Variants in SERPINB5 observed in about 807,000 individuals in gnomAD.
The protein encoded by SERPINB5 is serpin B5.
A neutral mutation model predicts 32.2 loss-of-function variants in SERPINB5; 27 were observed. The ratio of observed to expected loss-of-function variants is 0.84; its 90% CI spans 0.62 to 1.16. SERPINB5 has a LOEUF of 1.16. Ranked by LOEUF, SERPINB5 falls within the 50% of genes most tolerant of loss-of-function variation. The pLI, the probability that SERPINB5 is intolerant of heterozygous loss-of-function variation, is 0.00. For missense variants in SERPINB5, 388 were observed against 436.3 expected (o/e 0.89, Z 0.99); for synonymous variants, 154 against 157.4 (o/e 0.98, Z 0.16).
Position 63,484,409 on chromosome 18 carries a change from TC to T in SERPINB5, c.-7-11del, listed in dbSNP as rs1568108250. The stretch of plus-strand genomic sequence containing the variant: ...GCTTTAGAAACTAACTGCTCCCTTG[TC>T]CTTGCTTCCAGGCCCGCAATGGATG... On this transcript the variant is annotated splice_polypyrimidine_tract_variant and intron_variant, in intron 1 of 6. Transcript: ENST00000382771. 3 of 1,605,190 alleles carry T rather than the reference TC, an allele frequency of 1.9e-6. No homozygotes were observed. Among genetic ancestry groups the T allele is most frequent in the Non-Finnish European group, 2.6e-6 (3 of 1,176,464 alleles).
At chr18:63,491,131 G>C (rs553817837) in intron 4 of SERPINB5, among the ~76,000 whole-genome samples, 3 of 152,276 alleles carry the variant, frequency 2.0e-5, no homozygotes, top group Admixed American at 6.5e-5. Context: ...GACCAGGCAT[G>C]GTGGCTCATG....
intron 4 of SERPINB5, among the ~76,000 whole-genome samples, chr18:63,490,466 T>A (rs1429303428): frequency 6.6e-6 from 1 of 152,078 alleles, no homozygotes; most frequent in Non-Finnish European, 1.5e-5. Flanking sequence ...GTGGATATAT[T>A]TATAATTGCA....
chr18:63,493,163 T>TG, intron 5 of SERPINB5, 68 bp downstream of exon 5: 3 of 1,602,012 alleles, frequency 1.9e-6, no homozygotes, highest in Non-Finnish European at 2.6e-6. Flanking sequence ...AGGGACAGAG[T>TG]GGGGCATAAA....
At chr18:63,497,276 G>T (rs1469123541) in intron 5 of SERPINB5, 10 of 1,110,444 alleles carry the variant, frequency 9.0e-6, no homozygotes, top group Non-Finnish European at 1.4e-5. Flanking sequence ...TTGATCATTG[G>T]TTATTCCAGG....
chr18:63,489,345 A>C lies in SERPINB5; in HGVS notation c.307-2A>C, dbSNP rs765222428. 7.8e-6 allele frequency: 12 copies of C among 1,536,626 alleles called. No individual in the cohort carries two copies. Among genetic ancestry groups the C allele is most frequent in the Admixed American group, 1.8e-5 (1 of 57,076 alleles). On this transcript the variant is annotated splice_acceptor_variant, in intron 3 of 6. Coordinates refer to ENST00000382771, the MANE Select transcript of SERPINB5 (RefSeq NM_002639.5). LOFTEE classifies it high-confidence loss of function. ...TGATTTTATGAACTGCATGTTTTTCAGGAGTTCATCAGCTCTACGAAGAGA... is the reference window on the plus strand; with the variant it reads ...TGATTTTATGAACTGCATGTTTTTCCGGAGTTCATCAGCTCTACGAAGAGA...
chr18:63,490,307 TTC>T (rs1304508109), intron 4 of SERPINB5, among the ~76,000 whole-genome samples: 1 of 152,134 alleles, frequency 6.6e-6, no homozygotes, highest in African/African-American at 2.4e-5. Flanking sequence ...CCTAGGTTCT[TTC>T]TCCGGCTCAG....
chr18:63,486,213 G>A (rs1210471684), intron 2 of SERPINB5, among the ~76,000 whole-genome samples: 2 of 152,212 alleles, frequency 1.3e-5, no homozygotes, highest in African/African-American at 4.8e-5. Context: ...AGGAGGCTCT[G>A]AAGAGTTGGA....
chr18:63,494,689 C>T (rs1017301317), intron 5 of SERPINB5, among the ~76,000 whole-genome samples: 8 of 152,172 alleles, frequency 5.3e-5, no homozygotes, highest in East Asian at 1.9e-4. Context: ...CTGGGTTAGC[C>T]GGATGGCTTC....
chr18:63,497,430 G>T (rs559041621), intron 5 of SERPINB5: 2 of 855,412 alleles, frequency 2.3e-6, no homozygotes, highest in Admixed American at 3.5e-5. Context: ...GCCTGTCCCT[G>T]CTGCTGCGGC....
At chr18:63,484,885 C>T (rs547552815) in intron 2 of SERPINB5, among the ~76,000 whole-genome samples, 20 of 151,484 alleles carry the variant, frequency 1.3e-4, no homozygotes, top group East Asian at 7.8e-4. Flanking sequence ...GGATGACAGG[C>T]GCGTGCCACA....
intron 4 of SERPINB5, chr18:63,490,475 C>G (rs1909309409): frequency 6.6e-6 from 1 of 152,158 alleles, no homozygotes; most frequent in Admixed American, 6.5e-5. Context: ...TTTATAATTG[C>G]ATCTGGAGGG....
At chr18:63,485,130 C>CT (rs1214256421) in intron 2 of SERPINB5, among the ~76,000 whole-genome samples, 3 of 152,196 alleles carry the variant, frequency 2.0e-5, no homozygotes, top group Admixed American at 2.0e-4. Flanking sequence ...GTAATCACAG[C>CT]TTTTTCATTC....
Position 63,503,874 on chromosome 18 carries a change from C to T in SERPINB5, c.*152C>T. 1 of 682,260 alleles carries T rather than the reference C, an allele frequency of 1.5e-6. No individual in the cohort carries two copies. Among genetic ancestry groups the T allele is most frequent in the East Asian group, 2.7e-5 (1 of 37,612 alleles). 42.3% of individuals were successfully genotyped at this position (682,260 alleles called of 1,614,324 possible). A position where few individuals can be genotyped will look rare whatever the true frequency, so the allele number is the denominator to read the frequency against. On this transcript the variant is annotated 3_prime_UTR_variant, in exon 7 of 7. Transcript: ENST00000382771. Reference sequence around the variant, plus strand: ...GTACTTGTCATATGTAGCCTTCACACAGATAGACCTTTTTTTTTTTTCCAA... The same window carrying T: ...GTACTTGTCATATGTAGCCTTCACATAGATAGACCTTTTTTTTTTTTCCAA...
rs915677377 is a variant in SERPINB5 at position 63,503,605 on chromosome 18, A to G, written c.1011A>G (p.Pro337=). The G allele has an allele frequency of 1.9e-6, 3 of 1,614,254 alleles. No homozygotes were observed. The highest frequency in any genetic ancestry group is 1.7e-5 in the Admixed American group (1 of 60,036). ...ATGGTGGGGATTCCATAGAGGTGCCAGGAGCACGGATCCTGCAGCACAAGG... is the reference window on the plus strand; with the variant it reads ...ATGGTGGGGATTCCATAGAGGTGCCGGGAGCACGGATCCTGCAGCACAAGG... ...TEDGGDSIEV[P]GARILQHKDE... The change falls in exon 7 of 7, where the codon CCA becomes CCG. Residue 337 remains proline, a synonymous_variant. Transcript: ENST00000382771.
At chr18:63,497,828 A>C (rs1234323106) in intron 5 of SERPINB5, among the ~76,000 whole-genome samples, 5 of 152,090 alleles carry the variant, frequency 3.3e-5, no homozygotes, top group African/African-American at 1.2e-4. Context: ...ATTATTCTGA[A>C]TTTACAATTT....
In SERPINB5 at chr18:63,493,110, A is replaced by G. The variant is rs11875145; in HGVS notation, c.567+15A>G. 5.9e-5 allele frequency: 95 copies of G among 1,614,062 alleles called. No homozygotes were observed. In the African/African-American group the frequency reaches 1.1e-3, roughly 19 times the overall value. ...GAGTCAACAAGGTATGTGGGGCAGC[A>G]TGTAGCAGTAAAAGGAGCCCAATTA... On this transcript the variant is annotated intron_variant, in intron 5 of 6. Coordinates refer to ENST00000382771, the MANE Select transcript of SERPINB5 (RefSeq NM_002639.5).
At chr18:63,500,486 G>T (rs1909549175) in intron 6 of SERPINB5, among the ~76,000 whole-genome samples, 1 of 151,856 alleles carries the variant, frequency 6.6e-6, no homozygotes, top group Non-Finnish European at 1.5e-5. Context: ...TTATATATAA[G>T]TATTTTATTT....
rs572957658 is a variant in SERPINB5 at position 63,482,277 on chromosome 18, C to A, written c.-7-2145C>A. Among the ~76,000 whole-genome samples, 9 of 152,290 alleles carry A rather than the reference C, an allele frequency of 5.9e-5. No homozygotes were observed. In the East Asian group the frequency reaches 1.7e-3, roughly 29 times the overall value. ...AGGTGCAAATTGCAATCCTATTCATCATGCCTTTGACTCTTGACACACGTT... is the reference window on the plus strand; with the variant it reads ...AGGTGCAAATTGCAATCCTATTCATAATGCCTTTGACTCTTGACACACGTT... On this transcript the variant is annotated intron_variant, in intron 1 of 6. Coordinates refer to ENST00000382771, the MANE Select transcript of SERPINB5 (RefSeq NM_002639.5).
intron 6 of SERPINB5, among the ~76,000 whole-genome samples, chr18:63,501,246 A>G (rs1909566429): frequency 8.1e-6 from 1 of 123,356 alleles, no homozygotes; most frequent in East Asian, 2.6e-4. Flanking sequence ...TCCTGTTTCC[A>G]GGTGTTCTCA....
Sources: allele counts gnomAD v4.1 joint callset (sites outside exome capture counted in the v4.1 genomes callset), GRCh38; gene constraint gnomAD v4.1.1; transcripts MANE v1.5; gene names NCBI Gene and HGNC (gene_info 2026-07-23, HGNC 2026-07-21).